The following CEP112 variants were observed in gnomAD, a reference collection of about 807,000 sequenced individuals.
CEP112 encodes the protein centrosomal protein 112.
In CEP112, 127 loss-of-function variants were observed where a neutral mutation model predicts 153.0. That is an observed-to-expected ratio of 0.83 (90% confidence interval 0.72 to 0.96). The LOEUF (loss-of-function observed/expected upper bound fraction) is 0.96, where lower values mean the gene tolerates loss of function less well. Among genes scored for constraint, CEP112 ranks in the 40% least tolerant of loss-of-function variants. CEP112 has a pLI of 0.00. For synonymous variants in CEP112, 358 were observed against 374.4 expected, an observed-to-expected ratio of 0.96 and a Z score of 0.51; for missense variants, 1,089 against 1,101.2, an observed-to-expected ratio of 0.99 and a Z score of 0.16.
chr17:66,030,779 T>G (rs557519521), intron 12 of CEP112, among the ~76,000 whole-genome samples: 1 of 152,290 alleles, frequency 6.6e-6, no homozygotes, highest in Admixed American at 6.5e-5. Context: ...AAGCATTAGA[T>G]GAAGGGACAG....
At chr17:66,025,920 T>TACACGCATACACACACACACACACAC (rs2065182217) in intron 16 of CEP112, among the ~76,000 whole-genome samples, 1 of 124,520 alleles carries the variant, frequency 8.0e-6, no homozygotes, top group Non-Finnish European at 1.7e-5. Context: ...AAATGTGGCA[T>TACACGCATACACACACACACACACAC]ACACACACAC....
chr17:66,171,654 A>G (rs1244176619), intron 4 of CEP112, among the ~76,000 whole-genome samples: 2 of 152,210 alleles, frequency 1.3e-5, no homozygotes, highest in African/African-American at 4.8e-5. Flanking sequence ...TTTCACCTTA[A>G]GATTAGTTTC....
At chr17:65,866,858 A>G (rs2058504761) in intron 20 of CEP112, among the ~76,000 whole-genome samples, 1 of 152,132 alleles carries the variant, frequency 6.6e-6, no homozygotes, top group African/African-American at 2.4e-5. Context: ...ATTGCTCAAT[A>G]AAGCTCCTCT....
chr17:65,816,262 C>T (rs1032485625), intron 21 of CEP112, among the ~76,000 whole-genome samples: 5 of 151,976 alleles, frequency 3.3e-5, no homozygotes, highest in Non-Finnish European at 7.4e-5. Flanking sequence ...ACCATCACTA[C>T]AGTCTAAGTT....
intron 23 of CEP112, among the ~76,000 whole-genome samples, chr17:65,714,489 G>A (rs576352022): frequency 6.6e-6 from 1 of 151,386 alleles, no homozygotes; most frequent in Admixed American, 6.6e-5. Flanking sequence ...TATATCTGTC[G>A]GTTTACTCTT....
chr17:65,851,578 T>C lies in CEP112; in HGVS notation c.2394+226A>G, dbSNP rs1463703068. 3.9e-5 allele frequency among the ~76,000 whole-genome samples: 6 copies of C among 152,162 alleles called. No individual in the cohort carries two copies. The East Asian group carries it at 9.6e-4, about 24-fold the overall frequency. ...TTACTATGGAATAGGATATTCCATATAATCCCTTCCATGAAAGCCAAGGGA... is the reference window on the plus strand; with the variant it reads ...TTACTATGGAATAGGATATTCCATACAATCCCTTCCATGAAAGCCAAGGGA... On this transcript the variant is annotated intron_variant, in intron 21 of 26. Coordinates refer to ENST00000535342, the MANE Select transcript of CEP112 (RefSeq NM_001199165.4).
chr17:65,652,393 C>T (rs1427119351), intron 24 of CEP112, among the ~76,000 whole-genome samples: 1 of 151,804 alleles, frequency 6.6e-6, no homozygotes, highest in Non-Finnish European at 1.5e-5. Context: ...TGATTTAACA[C>T]CTGCAAAATT....
intron 21 of CEP112, chr17:65,826,153 G>A: frequency 1.2e-6 from 2 of 1,614,088 alleles, no homozygotes; most frequent in South Asian, 1.1e-5. Flanking sequence ...TCTCTTTGAG[G>A]TTAGATTTTC....
At chr17:65,839,624 C>T (rs1055494361) in intron 21 of CEP112, among the ~76,000 whole-genome samples, 2 of 152,036 alleles carry the variant, frequency 1.3e-5, no homozygotes, top group Admixed American at 6.5e-5. Flanking sequence ...AGGATGCTCA[C>T]TTTCACCATT....
At chr17:65,885,067 TG>T (rs2059228702) in intron 20 of CEP112, among the ~76,000 whole-genome samples, 1 of 152,162 alleles carries the variant, frequency 6.6e-6, no homozygotes, top group African/African-American at 2.4e-5. Context: ...AAAAGAATGT[TG>T]TATAATTATT....
chr17:65,874,515 G>C (rs1467406341), intron 20 of CEP112, among the ~76,000 whole-genome samples: 1 of 152,092 alleles, frequency 6.6e-6, no homozygotes, highest in African/African-American at 2.4e-5. Flanking sequence ...AAAAGCACAT[G>C]TTGGTTTCAT....
intron 16 of CEP112, among the ~76,000 whole-genome samples, chr17:66,026,282 A>C (rs2145678207): frequency 6.6e-6 from 1 of 152,308 alleles, no homozygotes. Context: ...TCACACAAAA[A>C]TTTTAAAAAT....
At chr17:65,653,788 A>G (rs895704815) in intron 24 of CEP112, among the ~76,000 whole-genome samples, 1 of 152,088 alleles carries the variant, frequency 6.6e-6, no homozygotes, top group African/African-American at 2.4e-5. Flanking sequence ...AGGGCTGGGC[A>G]CGTGGCTCAT....
intron 17 of CEP112, among the ~76,000 whole-genome samples, chr17:65,997,775 C>T (rs981278968): frequency 7.5e-5 from 6 of 80,312 alleles, no homozygotes; most frequent in African/African-American, 1.3e-4. Context: ...TGCATTTATA[C>T]ACACACCCTA....
chr17:65,781,132 T>C (rs868509434), intron 21 of CEP112, among the ~76,000 whole-genome samples: 14 of 152,108 alleles, frequency 9.2e-5, no homozygotes, highest in South Asian at 2.1e-4. Context: ...TCTTGAGATT[T>C]AAGCATTAGC....
intron 21 of CEP112, among the ~76,000 whole-genome samples, chr17:65,751,828 A>G (rs2051871033): frequency 6.6e-6 from 1 of 152,184 alleles, no homozygotes; most frequent in Non-Finnish European, 1.5e-5. Flanking sequence ...CAGAGAGGGT[A>G]AGTAACTTGC....
At chr17:65,884,901 A>T (rs768183592) in intron 20 of CEP112, among the ~76,000 whole-genome samples, 22 of 151,812 alleles carry the variant, frequency 1.4e-4, no homozygotes, top group Non-Finnish European at 2.8e-4. Flanking sequence ...TTTTTAGTAG[A>T]GACAGGGTTT....
chr17:66,029,988 C>T lies in CEP112; in HGVS notation c.1254G>A (p.Gln418=). The change falls in exon 13 of 27, where the codon CAG becomes CAA. Residue 418 remains glutamine, a synonymous_variant. Transcript: ENST00000535342. ...TGTTCTCTGCTTCTCCAGTCAGCTGCTGGACACGGGCCTCCAGTTCTTTGA... is the reference window on the plus strand; with the variant it reads ...TGTTCTCTGCTTCTCCAGTCAGCTGTTGGACACGGGCCTCCAGTTCTTTGA... ...HMIKELEARV[Q]QLTGEAENSN... The T allele has an allele frequency of 6.2e-7, 1 of 1,613,810 alleles. No individual in the cohort carries two copies.
chr17:65,876,340 T>C (rs1316293360), intron 20 of CEP112, among the ~76,000 whole-genome samples: 3 of 152,240 alleles, frequency 2.0e-5, no homozygotes, highest in Non-Finnish European at 4.4e-5. Context: ...ATATTGAATA[T>C]TGGCTTATGT....
Sources: gnomAD v4.1 joint callset for allele counts (sites outside exome capture counted in the v4.1 genomes callset) on GRCh38, gnomAD v4.1.1 for gene constraint, MANE v1.5 for transcripts, NCBI Gene and HGNC (gene_info 2026-07-23, HGNC 2026-07-21) for gene names.